HCRTR2: variants seen among roughly 807,000 people sequenced by gnomAD.
The protein encoded by HCRTR2 is hypocretin receptor 2, also known as orexin receptor type 2.
A neutral mutation model predicts 49.0 loss-of-function variants in HCRTR2; 22 were observed. The ratio of observed to expected loss-of-function variants is 0.45; its 90% CI spans 0.32 to 0.64. The LOEUF (loss-of-function observed/expected upper bound fraction) is 0.64, where lower values mean the gene tolerates loss of function less well. Among genes scored for constraint, HCRTR2 ranks in the 30% least tolerant of loss-of-function variants. HCRTR2 has a pLI of 0.04. For synonymous variants in HCRTR2, 236 were observed against 205.3 expected, an observed-to-expected ratio of 1.15 and a Z score of -1.28; for missense variants, 491 against 559.4, an observed-to-expected ratio of 0.88 and a Z score of 1.23.
At chr6:55,159,792 A>G (rs1316163234) in intron 1 of HCRTR2, among the ~76,000 whole-genome samples, 1 of 152,234 alleles carries the variant, frequency 6.6e-6, no homozygotes, top group Non-Finnish European at 1.5e-5. Flanking sequence ...TAGAGAAAAA[A>G]GAATAAAAAG....
chr6:55,200,182 A>G (rs1203411726), intron 1 of HCRTR2, among the ~76,000 whole-genome samples: 2 of 150,770 alleles, frequency 1.3e-5, no homozygotes, highest in Middle Eastern at 3.4e-3. Flanking sequence ...TTTCCTTAAA[A>G]TGTCGTTTTT....
intron 1 of HCRTR2, among the ~76,000 whole-genome samples, chr6:55,127,033 C>G (rs936495792): frequency 6.6e-6 from 1 of 152,106 alleles, no homozygotes; most frequent in Non-Finnish European, 1.5e-5. Context: ...ACCGAGCTGA[C>G]CACTTGGCTG....
At chr6:55,156,179 GT>G (rs1325946084) in intron 1 of HCRTR2, among the ~76,000 whole-genome samples, 1 of 151,614 alleles carries the variant, frequency 6.6e-6, no homozygotes, top group African/African-American at 2.4e-5. Context: ...GAATGGAATT[GT>G]TGTGGCTCAT....
chr6:55,250,223 C>CATTTTTTTGTGTGTGAG (rs1562022041), intron 2 of HCRTR2, among the ~76,000 whole-genome samples: 1 of 151,932 alleles, frequency 6.6e-6, no homozygotes, highest in Non-Finnish European at 1.5e-5. Context: ...GATTACAAAA[C>CATTTTTTTGTGTGTGAG]GAACAGTAGC....
At chr6:55,231,671 CT>C (rs1156610617) in intron 1 of HCRTR2, among the ~76,000 whole-genome samples, 3 of 152,066 alleles carry the variant, frequency 2.0e-5, no homozygotes, top group Non-Finnish European at 4.4e-5. Context: ...AAGAAATTGA[CT>C]TACTTGTTAA....
intron 1 of HCRTR2, among the ~76,000 whole-genome samples, chr6:55,229,897 T>C (rs1471935368): frequency 1.3e-5 from 2 of 152,186 alleles, no homozygotes; most frequent in African/African-American, 4.8e-5. Flanking sequence ...TGAGTGCTCT[T>C]TTCACAATGA....
Position 55,174,558 on chromosome 6 carries a change from G to T in HCRTR2, c.-30G>T, listed in dbSNP as rs201936916. The stretch of plus-strand genomic sequence containing the variant: ...TGGGGCAGGCGGAGAGGAGCTTGCA[G>T]CATTGAGCGGAACCGGACTTGAGCC... On this transcript the variant is annotated 5_prime_UTR_variant, in exon 1 of 7. Coordinates refer to ENST00000370862, the MANE Select transcript of HCRTR2 (RefSeq NM_001384272.1). The T allele has an allele frequency of 1.9e-6, 3 of 1,571,134 alleles. No homozygotes were observed. The highest frequency in any genetic ancestry group is 2.6e-6 in the Non-Finnish European group (3 of 1,141,000).
At chr6:55,186,494 G>A (rs1765218429) in intron 1 of HCRTR2, among the ~76,000 whole-genome samples, 1 of 152,092 alleles carries the variant, frequency 6.6e-6, no homozygotes, top group Non-Finnish European at 1.5e-5. Flanking sequence ...TTTATACTAT[G>A]CAATTATATT....
upstream of HCRTR2, among the ~76,000 whole-genome samples, chr6:55,170,707 A>G (rs1324160584): frequency 7.0e-6 from 1 of 143,438 alleles, no homozygotes; most frequent in Non-Finnish European, 1.5e-5. Context: ...TACATTAGGT[A>G]TATCTCCTAA....
chr6:55,193,976 TAAAG>T (rs993542857), intron 1 of HCRTR2, among the ~76,000 whole-genome samples: 3 of 152,144 alleles, frequency 2.0e-5, no homozygotes, highest in Non-Finnish European at 4.4e-5. Flanking sequence ...TAACACTGAA[TAAAG>T]ATTTTTTTTT....
chr6:55,211,780 A>G (rs1318202924), intron 1 of HCRTR2, among the ~76,000 whole-genome samples: 3 of 152,116 alleles, frequency 2.0e-5, no homozygotes, highest in Admixed American at 6.6e-5. Context: ...TCAGGCCTCA[A>G]TTTAAACATC....
Position 55,142,346 on chromosome 6 carries a change from G to A in HCRTR2, c.-377-31865G>A, listed in dbSNP as rs113272078. On this transcript the variant is annotated intron_variant, in intron 1 of 7. Coordinates refer to the HCRTR2 transcript ENST00000615358. The stretch of plus-strand genomic sequence containing the variant: ...CGAGTAGCTGGGACTACAGGCACCC[G>A]CCACCACGCCCTGTTAATTTTTTTT... Among the ~76,000 whole-genome samples the A allele has an allele frequency of 4.0e-3, 591 of 146,952 alleles. 3 individuals carry two copies. Among genetic ancestry groups the A allele is most frequent in the African/African-American group, 9.1e-3 (361 of 39,792 alleles).
intron 4 of HCRTR2, among the ~76,000 whole-genome samples, chr6:55,267,180 G>A (rs1320771536): frequency 6.6e-6 from 1 of 152,198 alleles, no homozygotes; most frequent in East Asian, 1.9e-4. Context: ...AAGGCATTAT[G>A]CGTGCCATAG....
chr6:55,149,495 G>A (rs1390613821), intron 1 of HCRTR2, among the ~76,000 whole-genome samples: 1 of 152,048 alleles, frequency 6.6e-6, no homozygotes, highest in Non-Finnish European at 1.5e-5. Context: ...TTTCTATAAA[G>A]CATGAGTACA....
intron 1 of HCRTR2, among the ~76,000 whole-genome samples, chr6:55,124,702 C>T (rs556407870): frequency 6.6e-5 from 10 of 152,256 alleles, no homozygotes; most frequent in African/African-American, 2.4e-4. Context: ...TTAATATTGA[C>T]AGTGGGGTGT....
intron 2 of HCRTR2, among the ~76,000 whole-genome samples, chr6:55,250,780 T>A (rs1766534027): frequency 6.6e-6 from 1 of 152,112 alleles, no homozygotes. Flanking sequence ...AATATCCTCA[T>A]CTCTGGAAGG....
At chr6:55,258,857 C>T (rs1766701584) in intron 3 of HCRTR2, among the ~76,000 whole-genome samples, 1 of 151,992 alleles carries the variant, frequency 6.6e-6, no homozygotes, top group African/African-American at 2.4e-5. Context: ...TGGAGACCAG[C>T]CTGGCCAACA....
At chr6:55,251,176 G>A (rs1581857355) in intron 2 of HCRTR2, among the ~76,000 whole-genome samples, 1 of 152,174 alleles carries the variant, frequency 6.6e-6, no homozygotes, top group East Asian at 1.9e-4. Context: ...TTAAAAACAT[G>A]TTACATCATG....
chr6:55,276,032 C>T (rs1184259978), intron 4 of HCRTR2, among the ~76,000 whole-genome samples: 1 of 152,138 alleles, frequency 6.6e-6, no homozygotes, highest in Non-Finnish European at 1.5e-5. Flanking sequence ...TCTCCTGGAA[C>T]ATTCCAGCAT....
Sources: gnomAD v4.1 joint callset for allele counts (sites outside exome capture counted in the v4.1 genomes callset) on GRCh38, gnomAD v4.1.1 for gene constraint, MANE v1.5 for transcripts, NCBI Gene and HGNC (gene_info 2026-07-23, HGNC 2026-07-21) for gene names.